The following USP38 variants were observed in gnomAD, a reference collection of about 807,000 sequenced individuals.
USP38 encodes the protein ubiquitin carboxyl-terminal hydrolase 38.
Under a neutral mutation model 94.3 loss-of-function variants are expected in USP38, and 49 were observed. The observed-to-expected ratio is 0.52, with a 90% CI of 0.41 to 0.66. The LOEUF is 0.66. Ranked by LOEUF, USP38 falls within the 30% of genes least tolerant of loss-of-function variation. The probability of loss-of-function intolerance (pLI) is 0.00; values close to 1 mark genes in which losing one functional copy is unlikely to be tolerated. For missense variants in USP38, 1,128 were observed against 1,229.4 expected (o/e 0.92, Z 1.23); for synonymous variants, 468 against 463.6 (o/e 1.01, Z -0.12).
rs756881383 is a variant in USP38, at chr4:143,185,777, C to T, written c.327C>T (p.Asn109=). Residue 109 remains asparagine (N), a synonymous_variant, in exon 1 of 10, where the codon AAC becomes AAT. Transcript: ENST00000307017. ...KDVAILDYIH[N]GLKLIMSCPS... ...TAGCCATCCTGGACTACATTCACAA[C>T]GGCCTGAAGCTGATTATGAGCTGTC... is the stretch of plus-strand genomic sequence containing the variant. 4 of 1,614,082 alleles carry T rather than the reference C, an allele frequency of 2.5e-6. No individual in the cohort carries two copies. Among genetic ancestry groups the T allele is most frequent in the East Asian group, 4.5e-5 (2 of 44,884 alleles).
Position 143,221,509 on chromosome 4 carries a change from G to T in USP38, c.*1053G>T, listed in dbSNP as rs1732322146. The stretch of plus-strand genomic sequence containing the variant: ...CATATTTTTAGAGTTTTACATTTGG[G>T]TTTTTTGTTTGTTTGTTTCAGTCAT... On this transcript the variant is annotated 3_prime_UTR_variant, in exon 10 of 10. Coordinates refer to ENST00000307017, the MANE Select transcript of USP38 (RefSeq NM_032557.6). 1 of 152,384 alleles carries T rather than the reference G, an allele frequency of 6.6e-6. No homozygotes were observed. The highest frequency in any genetic ancestry group is 2.4e-5 in the African/African-American group (1 of 41,410). 9.4% of individuals were successfully genotyped at this position (152,384 alleles called of 1,614,324 possible).
intron 4 of USP38, among the ~76,000 whole-genome samples, chr4:143,202,326 G>A (rs1731738061): frequency 6.6e-6 from 1 of 152,130 alleles, no homozygotes; most frequent in Non-Finnish European, 1.5e-5. Flanking sequence ...ATAGCACTGT[G>A]TTGTAAGACT....
At chr4:143,188,792 T>C (rs1731307254) in intron 2 of USP38, among the ~76,000 whole-genome samples, 1 of 152,002 alleles carries the variant, frequency 6.6e-6, no homozygotes, top group African/African-American at 2.4e-5. Context: ...GCATTCTAGT[T>C]GGGGAGGCAG....
At chr4:143,198,308 T>C (rs1731611978) in intron 4 of USP38, among the ~76,000 whole-genome samples, 1 of 152,194 alleles carries the variant, frequency 6.6e-6, no homozygotes, top group African/African-American at 2.4e-5. Context: ...TCAGCCTACA[T>C]CCTACAAATC....
chr4:143,185,694 A>G lies in USP38; in HGVS notation c.244A>G (p.Lys82Glu). The G allele has an allele frequency of 5.0e-6, 8 of 1,614,098 alleles. No homozygotes were observed. The highest frequency in any genetic ancestry group is 6.8e-6 in the Non-Finnish European group (8 of 1,180,004). The change falls in exon 1 of 10, where the codon AAG becomes GAG. Residue 82 changes from lysine to glutamate, a missense_variant. Physicochemically the swap from Lys to Glu is moderately conservative, Grantham distance 56 (BLOSUM62 1). Coordinates refer to ENST00000307017, the MANE Select transcript of USP38 (RefSeq NM_032557.6). ...GCCAGAGTTCGAGTCCTTCTTCAAC[A>G]AGACCTTCGTGTTGGGCCTCCTTCA... ...HRPEFESFFNKTFVLGLLHQG... is the reference protein window; with the variant it reads ...HRPEFESFFNETFVLGLLHQG...
At chr4:143,210,569 A>T (rs1282118837) in intron 7 of USP38, among the ~76,000 whole-genome samples, 1 of 150,900 alleles carries the variant, frequency 6.6e-6, no homozygotes, top group Non-Finnish European at 1.5e-5. Context: ...CCTAGCTAAC[A>T]GAGTGAGCCC....
intron 5 of USP38, among the ~76,000 whole-genome samples, chr4:143,203,885 AT>A (rs1213108282): frequency 6.6e-6 from 1 of 152,176 alleles, no homozygotes; most frequent in Non-Finnish European, 1.5e-5. Context: ...GCACCCCAAT[AT>A]TAGAAGTGTT....
chr4:143,192,550 C>CTT (rs35416730), intron 2 of USP38, among the ~76,000 whole-genome samples: 47,902 of 103,016 alleles, frequency 0.46, 11,595 homozygotes, highest in East Asian at 0.72. Context: ...TCCCATATTA[C>CTT]TTTTTTTTTT....
intron 5 of USP38, among the ~76,000 whole-genome samples, chr4:143,204,134 A>G (rs1731794545): frequency 6.6e-6 from 1 of 152,118 alleles, no homozygotes. Flanking sequence ...GGCACCTGCC[A>G]CCATGCCCGG....
At chr4:143,217,926 TTTCCCTTCAGTCCAGC>T (rs1732225592) in intron 9 of USP38, among the ~76,000 whole-genome samples, 2 of 152,194 alleles carry the variant, frequency 1.3e-5, no homozygotes, top group South Asian at 4.1e-4. Flanking sequence ...CATATATTTC[TTTCCCTTCAGTCCAGC>T]TTCCATTAGG....
At position 143,185,326 on chromosome 4, in the gene USP38, G is replaced by C; in HGVS notation, c.-125G>C. On this transcript the variant is annotated 5_prime_UTR_variant, in exon 1 of 10. Transcript: ENST00000307017. ...TGTGGCTGCTGAGGCGGCGGTGGCC[G>C]TGGCCCGTCGCGCTGCTGCTGCGGC... 1 of 1,074,280 alleles carries C rather than the reference G, an allele frequency of 9.3e-7. No homozygotes were observed. The highest frequency in any genetic ancestry group is 1.3e-6 in the Non-Finnish European group (1 of 768,458). The allele number at this position is 1,074,280 out of a possible 1,614,324, so 66.5% of individuals were successfully genotyped here.
chr4:143,213,236 A>G (rs182409665), intron 8 of USP38, among the ~76,000 whole-genome samples: 1 of 152,278 alleles, frequency 6.6e-6, no homozygotes. Context: ...CCATTCAGCT[A>G]AGAATCTATT....
chr4:143,197,743 C>A, intron 3 of USP38, 80 bp from the exon 4 acceptor site: 2 of 942,696 alleles, frequency 2.1e-6, no homozygotes, highest in East Asian at 2.5e-5. Context: ...TAAATAAATT[C>A]TAGCTCTAGG....
Position 143,185,395 on chromosome 4 carries a change from G to A in USP38, c.-56G>A. The stretch of plus-strand genomic sequence containing the variant: ...CCCCGGGGCTCTCCTGCCCCACCTC[G>A]GGGCTGCCGCCACCCGCTCCTTATC... On this transcript the variant is annotated 5_prime_UTR_variant, in exon 1 of 10. Transcript: ENST00000307017. The A allele has an allele frequency of 6.6e-7, 1 of 1,515,044 alleles. No individual in the cohort carries two copies. Among genetic ancestry groups the A allele is most frequent in the Non-Finnish European group, 8.8e-7 (1 of 1,132,328 alleles). The allele number at this position is 1,515,044 out of a possible 1,614,324, so 93.9% of individuals were successfully genotyped here.
At chr4:143,219,644 A>G in intron 9 of USP38, among the ~76,000 whole-genome samples, 1 of 152,126 alleles carries the variant, frequency 6.6e-6, no homozygotes, top group East Asian at 1.9e-4. Context: ...ATATTTTTCC[A>G]AAGAGTTTGT....
intron 4 of USP38, among the ~76,000 whole-genome samples, chr4:143,199,256 G>T (rs1731640574): frequency 6.6e-6 from 1 of 152,082 alleles, no homozygotes; most frequent in East Asian, 1.9e-4. Flanking sequence ...CTGTTGCTGG[G>T]TTAGTTTGCT....
At chr4:143,204,396 C>CTTTT in intron 5 of USP38, 8 of 400,786 alleles carry the variant, frequency 2.0e-5, no homozygotes, top group Non-Finnish European at 3.4e-5. Flanking sequence ...CTAAAAAGCA[C>CTTTT]TTTTTTTTTT....
chr4:143,215,990 GTAT>G (rs1184677038), intron 9 of USP38, among the ~76,000 whole-genome samples: 1 of 151,996 alleles, frequency 6.6e-6, no homozygotes, highest in Non-Finnish European at 1.5e-5. Flanking sequence ...GAAATAGAAT[GTAT>G]TCAACTGTGT....
rs200576914 is a variant in USP38, at chr4:143,186,086, A to T, written c.636A>T (p.Thr212=). ...ACATCTGGAAGGCCGAGCCTGCCACACTACTGCCTTCCCTGCAAGAAGTTT... is the reference window on the plus strand; with the variant it reads ...ACATCTGGAAGGCCGAGCCTGCCACTCTACTGCCTTCCCTGCAAGAAGTTT... ...LQNIWKAEPA[T]LLPSLQEVFA... The change falls in exon 1 of 10, where the codon ACA becomes ACT. Residue 212 remains threonine (T), a synonymous_variant. Transcript: ENST00000307017. 51 of 1,614,080 alleles carry T rather than the reference A, an allele frequency of 3.2e-5. No homozygotes were observed. The highest frequency in any genetic ancestry group is 6.8e-6 in the Non-Finnish European group (8 of 1,180,046).
Sources: allele counts gnomAD v4.1 joint callset (sites outside exome capture counted in the v4.1 genomes callset), GRCh38; gene constraint gnomAD v4.1.1; transcripts MANE v1.5; gene names NCBI Gene and HGNC (gene_info 2026-07-23, HGNC 2026-07-21).